Variants in ADAMTS3 observed in about 807,000 individuals in gnomAD.
The protein encoded by ADAMTS3 is ADAM metallopeptidase with thrombospondin type 1 motif 3, also known as A disintegrin and metalloproteinase with thrombospondin motifs 3.
ADAMTS3 carries 73 observed loss-of-function variants against 129.0 expected under a neutral mutation model. The ratio of observed to expected loss-of-function variants is 0.57; its 90% CI spans 0.47 to 0.69. ADAMTS3 has a LOEUF of 0.69. Among genes scored for constraint, ADAMTS3 ranks in the 30% least tolerant of loss-of-function variants. The probability of loss-of-function intolerance (pLI) is 0.00; values close to 1 mark genes in which losing one functional copy is unlikely to be tolerated. For synonymous variants in ADAMTS3, 477 were observed against 510.8 expected (o/e 0.93, Z 0.89); for missense variants, 1,457 against 1,514.5 (o/e 0.96, Z 0.63).
intron 5 of ADAMTS3, among the ~76,000 whole-genome samples, chr4:72,326,946 C>G (rs1232755677): frequency 6.6e-6 from 1 of 152,062 alleles, no homozygotes; most frequent in Admixed American, 6.6e-5. Flanking sequence ...GCTTCATACA[C>G]CTGAATGTGC....
chr4:72,313,585 C>T lies in ADAMTS3; in HGVS notation c.1745+92G>A, dbSNP rs570224135. 3 of 1,351,248 alleles carry T rather than the reference C, an allele frequency of 2.2e-6. No homozygotes were observed. In the East Asian group the frequency reaches 7.5e-5, roughly 34 times the overall value. The allele number at this position is 1,351,248 out of a possible 1,614,324, so 83.7% of individuals were successfully genotyped here. ...ATTTATTTTCCTGCCCTGTGTTTTA[C>T]ATGCACTTTATAAAACAGAATACTA... On this transcript the variant is annotated intron_variant, in intron 12 of 21. Coordinates refer to ENST00000286657, the MANE Select transcript of ADAMTS3 (RefSeq NM_014243.3).
In ADAMTS3 at chr4:72,311,334, A is replaced by G. The variant is rs367735706; in HGVS notation, c.1922-153T>C. On this transcript the variant is annotated intron_variant, in intron 13 of 21. Coordinates refer to ENST00000286657, the MANE Select transcript of ADAMTS3 (RefSeq NM_014243.3). The stretch of plus-strand genomic sequence containing the variant: ...CAAATAAAATAAGGAGTAAGGAGGA[A>G]AGTATGTACATTTGACATTTTTTTT... Among the ~76,000 whole-genome samples, 5 of 151,198 alleles carry G rather than the reference A, an allele frequency of 3.3e-5. No homozygotes were observed. The South Asian group carries it at 1.1e-3, about 33-fold the overall frequency.
chr4:72,344,992 A>G (rs1720242135), intron 4 of ADAMTS3, among the ~76,000 whole-genome samples: 1 of 152,128 alleles, frequency 6.6e-6, no homozygotes, highest in South Asian at 2.1e-4. Context: ...CAGAAATTTT[A>G]ATTTTGTTGA....
intron 3 of ADAMTS3, among the ~76,000 whole-genome samples, chr4:72,501,514 T>A (rs1455555817): frequency 1.3e-5 from 2 of 152,198 alleles, no homozygotes; most frequent in African/African-American, 4.8e-5. Context: ...CAGCAGCTTT[T>A]TGACAGAGTC....
rs115112547 is a variant in ADAMTS3, at chr4:72,422,441, A to T, written c.505-7470T>A. Among the ~76,000 whole-genome samples the T allele has an allele frequency of 6.0e-3, 916 of 151,802 alleles. 12 individuals carry two copies. Among genetic ancestry groups the T allele is most frequent in the African/African-American group, 0.021 (870 of 41,208 alleles). ...CCAAAATTTAACACTAATTTTTTTT[A>T]AATATTTATTTTTAGTATAGCATTA... On this transcript the variant is annotated intron_variant, in intron 3 of 21. Transcript: ENST00000286657.
At chr4:72,487,951 T>C (rs1300963855) in intron 3 of ADAMTS3, among the ~76,000 whole-genome samples, 1 of 152,012 alleles carries the variant, frequency 6.6e-6, no homozygotes, top group Admixed American at 6.6e-5. Flanking sequence ...CCTTTTCTTA[T>C]TCATTTTCTT....
chr4:72,289,521 G>A (rs1307309569), intron 20 of ADAMTS3, among the ~76,000 whole-genome samples: 1 of 152,104 alleles, frequency 6.6e-6, no homozygotes, highest in African/African-American at 2.4e-5. Context: ...TGTGGAGGAG[G>A]GACTTCTACT....
intron 3 of ADAMTS3, among the ~76,000 whole-genome samples, chr4:72,452,795 C>G (rs1718441165): frequency 6.6e-6 from 1 of 151,702 alleles, no homozygotes; most frequent in South Asian, 2.1e-4. Flanking sequence ...AAGCATCTCT[C>G]CTACAACCTA....
Position 72,541,505 on chromosome 4 carries a change from G to T in ADAMTS3, c.504+6973C>A, listed in dbSNP as rs1165931330. On this transcript the variant is annotated intron_variant, in intron 3 of 21. Transcript: ENST00000286657. Reference sequence around the variant, plus strand: ...AGGCATGATTGGTTTTGAAATGTGAGGACATGAGATTTGGCGGAGGCCAGG... The same window carrying T: ...AGGCATGATTGGTTTTGAAATGTGATGACATGAGATTTGGCGGAGGCCAGG... Among the ~76,000 whole-genome samples, 5 of 152,204 alleles carry T rather than the reference G, an allele frequency of 3.3e-5. No homozygotes were observed. In the East Asian group the frequency reaches 9.6e-4, roughly 29 times the overall value.
At position 72,291,188 on chromosome 4, in the gene ADAMTS3, A is replaced by G. The variant is rs1560460265; in HGVS notation, c.2724-126T>C. 4 of 903,804 alleles carry G rather than the reference A, an allele frequency of 4.4e-6. No individual in the cohort carries two copies. The East Asian group carries it at 8.0e-5, about 18-fold the overall frequency. The allele number at this position is 903,804 out of a possible 1,614,324, so 56.0% of individuals were successfully genotyped here. On this transcript the variant is annotated intron_variant, in intron 19 of 21. Coordinates refer to ENST00000286657, the MANE Select transcript of ADAMTS3 (RefSeq NM_014243.3). ...CAACCTAGTGGGCACACTGCAGTTC[A>G]GGAAGTGGTTTCAGAAAGATGGATA... is the stretch of plus-strand genomic sequence containing the variant.
chr4:72,352,334 T>C (rs147268635), intron 4 of ADAMTS3, among the ~76,000 whole-genome samples: 61 of 152,116 alleles, frequency 4.0e-4, no homozygotes, highest in African/African-American at 1.2e-3. Context: ...TAAGAAAGAA[T>C]GTGATTCCAC....
At chr4:72,284,222 A>T (rs930133712) in intron 21 of ADAMTS3, among the ~76,000 whole-genome samples, 1 of 152,184 alleles carries the variant, frequency 6.6e-6, no homozygotes, top group Non-Finnish European at 1.5e-5. Context: ...ATTTAAAAAA[A>T]TTCTCCAGTT....
At chr4:72,431,387 G>A (rs779668622) in intron 3 of ADAMTS3, among the ~76,000 whole-genome samples, 6 of 151,958 alleles carry the variant, frequency 3.9e-5, no homozygotes, top group Non-Finnish European at 8.8e-5. Flanking sequence ...GACAGGCTAA[G>A]CATTCTTAAT....
chr4:72,359,493 T>C (rs1219957896), intron 4 of ADAMTS3, among the ~76,000 whole-genome samples: 1 of 152,070 alleles, frequency 6.6e-6, no homozygotes, highest in Non-Finnish European at 1.5e-5. Flanking sequence ...ACCATGGGCA[T>C]GTAAAATTAA....
intron 3 of ADAMTS3, among the ~76,000 whole-genome samples, chr4:72,449,762 T>C (rs1371180122): frequency 2.6e-5 from 4 of 151,722 alleles, no homozygotes; most frequent in Non-Finnish European, 2.9e-5. Flanking sequence ...TCCCATCTGT[T>C]TTGTCTTTTA....
intron 3 of ADAMTS3, among the ~76,000 whole-genome samples, chr4:72,468,675 C>T (rs183149880): frequency 9.0e-4 from 137 of 151,846 alleles, no homozygotes; most frequent in Non-Finnish European, 1.7e-3. Context: ...TAAATCCATC[C>T]GTTATTTCGA....
rs76473738 is a variant in ADAMTS3, at chr4:72,389,529, C to CA, written c.661+25285dup. Among the ~76,000 whole-genome samples, 379 of 134,252 alleles carry CA rather than the reference C, an allele frequency of 2.8e-3. 2 individuals carry two copies. The highest frequency in any genetic ancestry group is 0.019 in the South Asian group (83 of 4,432). 88.1% of individuals were successfully genotyped at this position (134,252 alleles called of 152,430 possible). A position where few individuals can be genotyped will look rare whatever the true frequency, so the allele number is the denominator to read the frequency against. Reference sequence around the variant, plus strand: ...CATTTAAATTAAAAGATGAAAAAAACAAAAAAAAAAAATCATACAAACAAG... The same window carrying CA: ...CATTTAAATTAAAAGATGAAAAAAACAAAAAAAAAAAAATCATACAAACAAG... On this transcript the variant is annotated intron_variant, in intron 4 of 21. Transcript: ENST00000286657.
chr4:72,416,382 T>A, intron 3 of ADAMTS3, among the ~76,000 whole-genome samples: 1 of 152,006 alleles, frequency 6.6e-6, no homozygotes, highest in Non-Finnish European at 1.5e-5. Flanking sequence ...CATATGCCAC[T>A]TCTACGCTTG....
chr4:72,489,829 C>A (rs1266096893), intron 3 of ADAMTS3, among the ~76,000 whole-genome samples: 1 of 151,832 alleles, frequency 6.6e-6, no homozygotes, highest in Non-Finnish European at 1.5e-5. Context: ...CAGACATCCA[C>A]TGAGGGTCTC....
Sources: gnomAD v4.1 joint callset for allele counts (sites outside exome capture counted in the v4.1 genomes callset) on GRCh38, gnomAD v4.1.1 for gene constraint, MANE v1.5 for transcripts, NCBI Gene and HGNC (gene_info 2026-07-23, HGNC 2026-07-21) for gene names.